Variants in LMO1 observed in about 807,000 individuals in gnomAD.
LMO1 encodes the protein rhombotin-1.
A neutral mutation model predicts 18.0 loss-of-function variants in LMO1; 10 were observed. That is an observed-to-expected ratio of 0.55 (90% CI 0.34 to 0.94). The LOEUF (loss-of-function observed/expected upper bound fraction) is 0.94, where lower values mean the gene tolerates loss of function less well. Ranked by LOEUF, LMO1 falls within the 40% of genes least tolerant of loss-of-function variation. LMO1 has a pLI of 0.02. For missense variants in LMO1, 183 were observed against 205.7 expected, an observed-to-expected ratio of 0.89 and a Z score of 0.68; for synonymous variants, 77 against 77.9, an observed-to-expected ratio of 0.99 and a Z score of 0.06.
chr11:8,251,196 G>C (rs1359384686), intron 1 of LMO1, among the ~76,000 whole-genome samples: 2 of 152,192 alleles, frequency 1.3e-5, no homozygotes, highest in African/African-American at 2.4e-5. Flanking sequence ...GCCACCCTGG[G>C]AATGCAAATG....
intron 1 of LMO1, among the ~76,000 whole-genome samples, chr11:8,238,670 C>CAAAA (rs11375128): frequency 1.6e-4 from 10 of 60,794 alleles, no homozygotes; most frequent in East Asian, 4.7e-4. Context: ...GACTCCATCT[C>CAAAA]AAAAAAAAAA....
intron 1 of LMO1, among the ~76,000 whole-genome samples, chr11:8,251,911 GGT>G (rs1440695036): frequency 1.8e-5 from 1 of 55,468 alleles, no homozygotes; most frequent in East Asian, 3.8e-3. Context: ...GTGTGTGGTG[GGT>G]GTGTGGTGGG....
intron 1 of LMO1, among the ~76,000 whole-genome samples, chr11:8,238,670 CAAAAAAAAAAA>C (rs11375128): frequency 3.3e-5 from 2 of 60,882 alleles, no homozygotes; most frequent in Non-Finnish European, 5.7e-5. Flanking sequence ...GACTCCATCT[CAAAAAAAAAAA>C]AAAAAAAAAA....
intron 2 of LMO1, among the ~76,000 whole-genome samples, chr11:8,227,728 G>T (rs1952573494): frequency 6.6e-6 from 1 of 152,222 alleles, no homozygotes; most frequent in Admixed American, 6.5e-5. Flanking sequence ...TTTAAAATAT[G>T]AGTCACAGAG....
At chr11:8,235,228 C>T (rs1460414038) in intron 1 of LMO1, among the ~76,000 whole-genome samples, 2 of 152,204 alleles carry the variant, frequency 1.3e-5, no homozygotes, top group Non-Finnish European at 1.5e-5. Flanking sequence ...ACTTTCAGAA[C>T]ACTTGCAAGA....
At chr11:8,228,669 A>G (rs1407188049) in intron 2 of LMO1, among the ~76,000 whole-genome samples, 2 of 141,338 alleles carry the variant, frequency 1.4e-5, no homozygotes, top group Non-Finnish European at 3.1e-5. Context: ...AAAAAAAAAA[A>G]TTACCTTCCA....
At chr11:8,229,096 A>C (rs1469650814) in intron 2 of LMO1, among the ~76,000 whole-genome samples, 1 of 151,266 alleles carries the variant, frequency 6.6e-6, no homozygotes, top group Non-Finnish European at 1.5e-5. Context: ...CATGTTGCCC[A>C]GGGTTGGTCT....
intron 1 of LMO1, among the ~76,000 whole-genome samples, chr11:8,232,865 C>CATCT (rs1253853426): frequency 6.6e-6 from 1 of 152,202 alleles, no homozygotes; most frequent in African/African-American, 2.4e-5. Context: ...CTCTCTCTTC[C>CATCT]ATCTACCCTG....
chr11:8,224,848 T>A (rs1590513760), intron 3 of LMO1, 127 bp from the exon 4 acceptor site: 1 of 671,018 alleles, frequency 1.5e-6, no homozygotes, highest in East Asian at 2.7e-5. Context: ...AGTTTGTTCC[T>A]TGAACCTTCC....
chr11:8,236,667 A>G (rs917052843), intron 1 of LMO1, among the ~76,000 whole-genome samples: 4 of 152,128 alleles, frequency 2.6e-5, no homozygotes, highest in African/African-American at 9.7e-5. Flanking sequence ...ACACATGCAC[A>G]GCAGCACACA....
Position 8,263,427 on chromosome 11 carries a change from G to A in LMO1, c.-65C>T. ...GGAGAAGGGCGCCGACTCGGGGCGC[G>A]CTTTGGAGGGGCGGCCGGTCTTCGG... On this transcript the variant is annotated 5_prime_UTR_variant, in exon 1 of 4. Transcript: ENST00000335790. 1 of 1,586,328 alleles carries A rather than the reference G, an allele frequency of 6.3e-7. No individual in the cohort carries two copies.
intron 1 of LMO1, among the ~76,000 whole-genome samples, chr11:8,257,617 T>A (rs1565188051): frequency 6.6e-6 from 1 of 152,298 alleles, no homozygotes; most frequent in South Asian, 2.1e-4. Flanking sequence ...AGGCTCCAAT[T>A]CCCCATGGAA....
intron 2 of LMO1, among the ~76,000 whole-genome samples, chr11:8,228,595 C>G: frequency 6.6e-6 from 1 of 151,924 alleles, no homozygotes; most frequent in African/African-American, 2.4e-5. Flanking sequence ...AAGCCACGCT[C>G]GCATCCCAGC....
At chr11:8,224,823 G>A in intron 3 of LMO1, 102 bp from the exon 4 acceptor site, 1 of 738,262 alleles carries the variant, frequency 1.4e-6, no homozygotes, top group Non-Finnish European at 2.4e-6. Flanking sequence ...GAGCTATGTG[G>A]GAGGTGGTGG....
rs77930219 is a variant in LMO1 at position 8,243,233 on chromosome 11, AAGAG to A, written c.26-12733_26-12730del. ...TCAGCCCTTCTTTGCAGACCTGGATAAGAGAGAGAGACGCTGAAAGCAAGGCCCA... is the reference window on the plus strand; with the variant it reads ...TCAGCCCTTCTTTGCAGACCTGGATAAGAGAGACGCTGAAAGCAAGGCCCA... On this transcript the variant is annotated intron_variant, in intron 1 of 3. Transcript: ENST00000335790. 1.2e-4 allele frequency among the ~76,000 whole-genome samples: 19 copies of A among 152,184 alleles called. No homozygotes were observed. In the East Asian group the frequency reaches 2.7e-3, roughly 22 times the overall value.
At chr11:8,234,952 T>G (rs1344221933) in intron 1 of LMO1, among the ~76,000 whole-genome samples, 2 of 152,232 alleles carry the variant, frequency 1.3e-5, no homozygotes, top group Non-Finnish European at 2.9e-5. Context: ...AAGTCGGAAC[T>G]GCTCCAAGGA....
intron 1 of LMO1, among the ~76,000 whole-genome samples, chr11:8,234,990 A>G (rs1952736684): frequency 6.6e-6 from 1 of 152,038 alleles, no homozygotes; most frequent in African/African-American, 2.4e-5. Flanking sequence ...AAATCCCCCC[A>G]CCTTTCTGAC....
At chr11:8,237,051 G>A (rs1484393826) in intron 1 of LMO1, among the ~76,000 whole-genome samples, 1 of 152,138 alleles carries the variant, frequency 6.6e-6, no homozygotes, top group African/African-American at 2.4e-5. Context: ...GAAGGAAATG[G>A]AAGAGCATGA....
At chr11:8,261,211 C>T (rs141112023) in intron 1 of LMO1, among the ~76,000 whole-genome samples, 1 of 152,300 alleles carries the variant, frequency 6.6e-6, no homozygotes, top group African/African-American at 2.4e-5. Flanking sequence ...CCCAGCAGCT[C>T]CATGGTAGTG....
Sources: allele counts gnomAD v4.1 joint callset (sites outside exome capture counted in the v4.1 genomes callset), GRCh38; gene constraint gnomAD v4.1.1; transcripts MANE v1.5; gene names NCBI Gene and HGNC (gene_info 2026-07-23, HGNC 2026-07-21).